The following SPATS2 variants were observed in gnomAD, a reference collection of about 807,000 sequenced individuals.
SPATS2 encodes the protein spermatogenesis associated serine rich 2, also known as spermatogenesis-associated serine-rich protein 2.
Under a neutral mutation model 63.7 loss-of-function variants are expected in SPATS2, and 38 were observed. The ratio of observed to expected loss-of-function variants is 0.60; its 90% confidence interval spans 0.46 to 0.78. SPATS2 has a LOEUF of 0.78. SPATS2 is among the 30% of genes least tolerant of loss of function. SPATS2 has a pLI of 0.00. For synonymous variants in SPATS2, 207 were observed against 232.9 expected (o/e 0.89, Z 1.01); for missense variants, 588 against 666.2 (o/e 0.88, Z 1.29).
intron 9 of SPATS2, among the ~76,000 whole-genome samples, chr12:49,501,909 G>A (rs111570733): frequency 3.9e-5 from 6 of 152,280 alleles, no homozygotes; most frequent in Non-Finnish European, 4.4e-5. Context: ...GTGAGCCACC[G>A]TGCCCAGCTG....
chr12:49,428,861 A>AG (rs1227542094), intron 2 of SPATS2, among the ~76,000 whole-genome samples: 5 of 152,126 alleles, frequency 3.3e-5, no homozygotes, highest in Admixed American at 6.6e-5. Flanking sequence ...CTGCTTGCTG[A>AG]GGACCGGAGT....
chr12:49,387,141 T>C (rs775515647), intron 2 of SPATS2: 1 of 152,192 alleles, frequency 6.6e-6, no homozygotes, highest in Non-Finnish European at 1.5e-5. Context: ...ATGAGAGGTA[T>C]GGGGAAGGTA....
At chr12:49,494,416 CTG>C (rs1175085783) in intron 6 of SPATS2, among the ~76,000 whole-genome samples, 8 of 152,122 alleles carry the variant, frequency 5.3e-5, no homozygotes, top group Middle Eastern at 3.4e-3. Context: ...TCTGAGAACT[CTG>C]TATATATTTA....
chr12:49,380,961 A>G (rs991734321), intron 2 of SPATS2, among the ~76,000 whole-genome samples: 3 of 151,730 alleles, frequency 2.0e-5, no homozygotes, highest in African/African-American at 7.3e-5. Context: ...ACAAACCACC[A>G]TACAGTTTTC....
chr12:49,472,908 G>T (rs749148605), intron 3 of SPATS2, among the ~76,000 whole-genome samples: 7 of 151,254 alleles, frequency 4.6e-5, no homozygotes, highest in Non-Finnish European at 8.8e-5. Context: ...ACGTGGTGGC[G>T]CATGCCTGTA....
intron 2 of SPATS2, among the ~76,000 whole-genome samples, chr12:49,451,262 C>G (rs1945618425): frequency 6.6e-6 from 1 of 151,762 alleles, no homozygotes; most frequent in Non-Finnish European, 1.5e-5. Context: ...TTTTTTTAAG[C>G]GTATGATTAT....
At chr12:49,380,667 C>T (rs58266462) in intron 2 of SPATS2, among the ~76,000 whole-genome samples, 1 of 151,960 alleles carries the variant, frequency 6.6e-6, no homozygotes, top group East Asian at 1.9e-4. Flanking sequence ...GATGGCACCA[C>T]TGCCCTCCAG....
chr12:49,395,204 C>G (rs1944487844), intron 2 of SPATS2, among the ~76,000 whole-genome samples: 1 of 151,260 alleles, frequency 6.6e-6, no homozygotes, highest in Admixed American at 6.6e-5. Flanking sequence ...TTGCTATGTT[C>G]CCCAGGCTAG....
intron 2 of SPATS2, among the ~76,000 whole-genome samples, chr12:49,407,448 C>T (rs1210326316): frequency 6.6e-6 from 1 of 152,204 alleles, no homozygotes; most frequent in Non-Finnish European, 1.5e-5. Flanking sequence ...TTTCCTATGA[C>T]TCTCCACTGC....
At chr12:49,444,525 C>T (rs1332830074) in intron 2 of SPATS2, among the ~76,000 whole-genome samples, 2 of 151,780 alleles carry the variant, frequency 1.3e-5, no homozygotes, top group Non-Finnish European at 2.9e-5. Context: ...AGCCTTAATT[C>T]GTGATGCTAT....
rs1943999799 is a variant in SPATS2 at position 49,371,694 on chromosome 12, C to T, written c.-244+404C>T. Among the ~76,000 whole-genome samples the T allele has an allele frequency of 3.3e-5, 5 of 152,000 alleles. No individual in the cohort carries two copies. In the South Asian group the frequency reaches 1.0e-3, roughly 32 times the overall value. ...GGCCTCAGGAAGCTTATGATCATGG[C>T]AGGAGGCAAAGGGAAAGCAGGCATG... On this transcript the variant is annotated intron_variant, in intron 2 of 13. Transcript: ENST00000552918.
At chr12:49,493,943 G>A (rs1418958325) in intron 6 of SPATS2, among the ~76,000 whole-genome samples, 3 of 152,104 alleles carry the variant, frequency 2.0e-5, no homozygotes, top group African/African-American at 7.2e-5. Context: ...TCATCCTGCT[G>A]TTTAGACGTG....
At chr12:49,481,015 G>A (rs1946196628) in intron 3 of SPATS2, among the ~76,000 whole-genome samples, 1 of 152,010 alleles carries the variant, frequency 6.6e-6, no homozygotes, top group African/African-American at 2.4e-5. Context: ...CATTCTCAGT[G>A]CCTAAAAACA....
chr12:49,445,488 C>CATAT (rs371420495), intron 2 of SPATS2, among the ~76,000 whole-genome samples: 1 of 150,020 alleles, frequency 6.7e-6, no homozygotes, highest in Non-Finnish European at 1.5e-5. Context: ...ATTTGGCTTG[C>CATAT]ATATATATAT....
At position 49,433,387 on chromosome 12, in the gene SPATS2, T is replaced by C. The variant is rs566271179; in HGVS notation, c.-243-27383T>C. Reference sequence around the variant, plus strand: ...CATGTTGGCCAGGCTGGTCTCGAACTCCTGACCTCAAGTGATCTGCCGACC... The same window carrying C: ...CATGTTGGCCAGGCTGGTCTCGAACCCCTGACCTCAAGTGATCTGCCGACC... On this transcript the variant is annotated intron_variant, in intron 2 of 13. Coordinates refer to ENST00000552918, the MANE Select transcript of SPATS2 (RefSeq NM_023071.4). Among the ~76,000 whole-genome samples, 5 of 152,346 alleles carry C rather than the reference T, an allele frequency of 3.3e-5. No homozygotes were observed. The East Asian group carries it at 7.7e-4, about 24-fold the overall frequency.
At chr12:49,458,178 T>A (rs1403648168) in intron 2 of SPATS2, among the ~76,000 whole-genome samples, 5 of 152,050 alleles carry the variant, frequency 3.3e-5, no homozygotes, top group African/African-American at 1.2e-4. Context: ...CTTAAAAAAA[T>A]TATTTTTCAG....
upstream of SPATS2, chr12:49,367,359 A>C (rs1206396523): frequency 2.6e-6 from 1 of 388,986 alleles, no homozygotes; most frequent in African/African-American, 2.1e-5. Flanking sequence ...GATCTGCTGG[A>C]TCTCCGGCAG....
chr12:49,402,295 G>A (rs1341803602), intron 2 of SPATS2, among the ~76,000 whole-genome samples: 1 of 152,228 alleles, frequency 6.6e-6, no homozygotes, highest in Non-Finnish European at 1.5e-5. Context: ...GCAAGGGAAT[G>A]ATTATAATGA....
intron 2 of SPATS2, among the ~76,000 whole-genome samples, chr12:49,427,233 A>G (rs891937792): frequency 2.6e-5 from 4 of 152,210 alleles, no homozygotes; most frequent in African/African-American, 9.6e-5. Flanking sequence ...TAGTTATCAA[A>G]TATATATGTG....
Sources: gnomAD v4.1 joint callset for allele counts (sites outside exome capture counted in the v4.1 genomes callset) on GRCh38, gnomAD v4.1.1 for gene constraint, MANE v1.5 for transcripts, NCBI Gene and HGNC (gene_info 2026-07-23, HGNC 2026-07-21) for gene names.